Variants in UBA2 observed in about 807,000 individuals in gnomAD.
UBA2 encodes SUMO-activating enzyme subunit 2.
Under a neutral mutation model 77.2 loss-of-function variants are expected in UBA2, and 11 were observed. That is an observed-to-expected ratio of 0.14 (90% CI 0.09 to 0.24). The LOEUF is 0.24. Ranked by LOEUF, UBA2 falls within the 10% of genes least tolerant of loss-of-function variation. The pLI is 1.00. For synonymous variants in UBA2, 278 were observed against 276.7 expected (o/e 1.00, Z -0.05); for missense variants, 487 against 781.7 (o/e 0.62, Z 4.50).
chr19:34,456,100 CTTTTTCTTTTTTTTTT>C lies in UBA2; in HGVS notation c.1245+1550_1245+1565del, dbSNP rs922340004. On this transcript the variant is annotated intron_variant, in intron 12 of 16. Coordinates refer to ENST00000246548, the MANE Select transcript of UBA2 (RefSeq NM_005499.3). ...CCCGATGCGCTCTTTTTTTCCTTTT[CTTTTTCTTTTTTTTTT>C]TTTTTTTTGAGGTGGAATCTTGCTC... Among the ~76,000 whole-genome samples the C allele has an allele frequency of 7.5e-4, 42 of 55,802 alleles. 1 individual carries two copies. Among genetic ancestry groups the C allele is most frequent in the Admixed American group, 2.8e-3 (10 of 3,596 alleles). 36.6% of individuals were successfully genotyped at this position (55,802 alleles called of 152,430 possible). A position where few individuals can be genotyped will look rare whatever the true frequency, so the allele number is the denominator to read the frequency against.
Position 34,469,072 on chromosome 19 carries a change from T to G in UBA2, c.1774T>G (p.Ser592Ala), listed in dbSNP as rs1411481982. 3 of 1,608,946 alleles carry G rather than the reference T, an allele frequency of 1.9e-6. No homozygotes were observed. In the South Asian group the frequency reaches 3.3e-5, roughly 18 times the overall value. The stretch of plus-strand genomic sequence containing the variant: ...GCAAGATGACGTTCTCATAGTTGAT[T>G]CAGATGAAGAAGATTCTTCAAATAA... The part of the protein sequence containing the change: ...QEQDDVLIVD[S>A]DEEDSSNNAD... Residue 592 changes from serine (S) to alanine (A), a missense_variant, in exon 17 of 17, where the codon TCA (serine) becomes GCA (alanine). By Grantham distance (99) the Ser-to-Ala change is moderately conservative. Coordinates refer to ENST00000246548, the MANE Select transcript of UBA2 (RefSeq NM_005499.3).
rs867403669 is a variant in UBA2 at position 34,471,159 on chromosome 19, A to G, written c.*1938A>G. The G allele has an allele frequency of 4.6e-5, 7 of 152,194 alleles. No homozygotes were observed. The highest frequency in any genetic ancestry group is 1.7e-4 in the African/African-American group (7 of 41,444). The allele number at this position is 152,194 out of a possible 1,614,324, so 9.4% of individuals were successfully genotyped here. A position where few individuals can be genotyped will look rare whatever the true frequency, so the allele number is the denominator to read the frequency against. On this transcript the variant is annotated 3_prime_UTR_variant, in exon 17 of 17. Transcript: ENST00000246548. ...TTGAGTTTTCAGAGAACAGAAAGCC[A>G]TTAAGCTGTTTCCCCTATTGTATTC... is the stretch of plus-strand genomic sequence containing the variant.
intron 14 of UBA2, among the ~76,000 whole-genome samples, chr19:34,460,835 T>C (rs755822209): frequency 1.7e-4 from 26 of 152,228 alleles, no homozygotes; most frequent in South Asian, 6.2e-4. Context: ...GAGCTAACCT[T>C]GTGATGAGAA....
chr19:34,431,832 T>C, intron 2 of UBA2, 29 bp from the exon 3 acceptor site: 1 of 1,590,406 alleles, frequency 6.3e-7, no homozygotes, highest in East Asian at 2.2e-5. Flanking sequence ...AGAAATATTG[T>C]AGTAATTCAG....
chr19:34,431,580 G>A (rs2075256119), intron 2 of UBA2, among the ~76,000 whole-genome samples: 1 of 152,072 alleles, frequency 6.6e-6, no homozygotes, highest in Non-Finnish European at 1.5e-5. Context: ...ATGACACTTG[G>A]TTACTTCATG....
chr19:34,448,743 A>G (rs1321499531), intron 8 of UBA2, among the ~76,000 whole-genome samples: 1 of 152,192 alleles, frequency 6.6e-6, no homozygotes, highest in Non-Finnish European at 1.5e-5. Context: ...AGAGGTTTCA[A>G]CTAGGGATAT....
intron 1 of UBA2, among the ~76,000 whole-genome samples, chr19:34,429,663 C>T (rs575782246): frequency 9.2e-5 from 14 of 152,048 alleles, no homozygotes; most frequent in Non-Finnish European, 7.4e-5. Flanking sequence ...CATAGAGAAA[C>T]CCCGTCTCTA....
chr19:34,450,398 G>A (rs371017623), intron 9 of UBA2, 34 bp downstream of exon 9: 2 of 1,454,934 alleles, frequency 1.4e-6, no homozygotes, highest in South Asian at 1.2e-5. Flanking sequence ...GAACACCTAA[G>A]CTGGAAATAT....
chr19:34,438,959 G>A (rs1027025287), intron 6 of UBA2, among the ~76,000 whole-genome samples, 193 bp downstream of exon 6: 5 of 151,990 alleles, frequency 3.3e-5, no homozygotes, highest in Non-Finnish European at 7.4e-5. Flanking sequence ...CTGTAATCCC[G>A]GCACTTTGGG....
intron 10 of UBA2, among the ~76,000 whole-genome samples, chr19:34,453,546 CAG>C (rs2075525618): frequency 8.1e-6 from 1 of 124,036 alleles, no homozygotes; most frequent in Admixed American, 9.3e-5. Flanking sequence ...TTAATTGAGA[CAG>C]GGTCTCACTC....
At chr19:34,456,032 C>T (rs1009514556) in intron 12 of UBA2, among the ~76,000 whole-genome samples, 2 of 151,542 alleles carry the variant, frequency 1.3e-5, no homozygotes, top group African/African-American at 4.8e-5. Context: ...CCACCTTGGC[C>T]CCCCAAAGTG....
At chr19:34,443,478 G>A (rs1265173321) in intron 6 of UBA2, among the ~76,000 whole-genome samples, 5 of 131,254 alleles carry the variant, frequency 3.8e-5, no homozygotes. Flanking sequence ...GTCTTGCTCT[G>A]TTGCCCAGGC....
chr19:34,454,637 A>G, intron 12 of UBA2, 81 bp downstream of exon 12: 1 of 700,322 alleles, frequency 1.4e-6, no homozygotes, highest in Non-Finnish European at 2.2e-6. Flanking sequence ...GATAATTTTT[A>G]AAATGAAAAC....
In UBA2 at chr19:34,469,356, T is replaced by C. The variant is rs979424819; in HGVS notation, c.*135T>C. 4.0e-6 allele frequency: 3 copies of C among 752,904 alleles called. No homozygotes were observed. Among genetic ancestry groups the C allele is most frequent in the Non-Finnish European group, 5.8e-6 (3 of 514,924 alleles). The allele number at this position is 752,904 out of a possible 1,614,324, so 46.6% of individuals were successfully genotyped here. A position where few individuals can be genotyped will look rare whatever the true frequency, so the allele number is the denominator to read the frequency against. On this transcript the variant is annotated 3_prime_UTR_variant, in exon 17 of 17. Transcript: ENST00000246548. ...ATGATTCTGCTCCCTTTGAAAGCAT[T>C]CATTTTGCTAGAACTGTTAGACACA...
chr19:34,464,136 G>C lies in UBA2; in HGVS notation c.1604+5G>C. ...ATTGATCAACATCCTTCATAGGTAA[G>C]AGCTATTAGTATTTTAATTGTAAGA... On this transcript the variant is annotated splice_donor_5th_base_variant and intron_variant, in intron 15 of 16. Coordinates refer to ENST00000246548, the MANE Select transcript of UBA2 (RefSeq NM_005499.3). 6.5e-7 allele frequency: 1 copy of C among 1,534,210 alleles called. No homozygotes were observed. Among genetic ancestry groups the C allele is most frequent in the Non-Finnish European group, 9.0e-7 (1 of 1,109,338 alleles).
At chr19:34,438,789 A>C (rs2075337119) in intron 6 of UBA2, 23 bp downstream of exon 6, 4 of 1,612,042 alleles carry the variant, frequency 2.5e-6, no homozygotes. Flanking sequence ...ATTTCTTGGC[A>C]TGCTTTTCGG....
In UBA2 at chr19:34,458,761, C is replaced by T; in HGVS notation, c.1246-8C>T. 6.2e-7 allele frequency: 1 copy of T among 1,605,830 alleles called. No homozygotes were observed. The highest frequency in any genetic ancestry group is 1.1e-5 in the South Asian group (1 of 89,284). On this transcript the variant is annotated splice_polypyrimidine_tract_variant and splice_region_variant and intron_variant, in intron 12 of 16. Coordinates refer to ENST00000246548, the MANE Select transcript of UBA2 (RefSeq NM_005499.3). ...TTCCGATTTCTGCCTGTTATTTCTC[C>T]TCCAAAGATTTTTTTGAATAAACAA... is the stretch of plus-strand genomic sequence containing the variant.
rs1026662786 is a variant in UBA2, at chr19:34,438,588, A to T, written c.460-57A>T. 1.9e-6 allele frequency: 3 copies of T among 1,602,366 alleles called. No individual in the cohort carries two copies. The Admixed American group carries it at 5.2e-5, about 28-fold the overall frequency. On this transcript the variant is annotated intron_variant, in intron 5 of 16. Transcript: ENST00000246548. ...ATGAATGAAGTGTTTATATTACCTT[A>T]TAATGTTGAGAAACTGCCATCATGG...
At chr19:34,457,127 G>C (rs1296918274) in intron 12 of UBA2, among the ~76,000 whole-genome samples, 1 of 136,186 alleles carries the variant, frequency 7.3e-6, no homozygotes, top group Non-Finnish European at 1.5e-5. Context: ...TTGGAAGTTC[G>C]AGACTAGCCT....
Sources: allele counts gnomAD v4.1 joint callset (sites outside exome capture counted in the v4.1 genomes callset), GRCh38; gene constraint gnomAD v4.1.1; transcripts MANE v1.5; gene names NCBI Gene and HGNC (gene_info 2026-07-23, HGNC 2026-07-21).